Variants in ABI3BP observed in about 807,000 individuals in gnomAD.
ABI3BP encodes the protein target of Nesh-SH3.
ABI3BP carries 216 observed loss-of-function variants against 268.6 expected under a neutral mutation model. That is an observed-to-expected ratio of 0.80 (90% CI 0.72 to 0.90). The LOEUF is 0.90. ABI3BP is among the 40% of genes least tolerant of loss of function. ABI3BP has a pLI of 0.00. For missense variants in ABI3BP, 2,090 were observed against 2,182.4 expected, an observed-to-expected ratio of 0.96 and a Z score of 0.84; for synonymous variants, 730 against 730.0, an observed-to-expected ratio of 1.00 and a Z score of 0.00.
At position 100,775,283 on chromosome 3, in the gene ABI3BP, C is replaced by T. The variant is rs1278865276; in HGVS notation, c.4386G>A (p.Arg1462=). ...ITTPPLRSTP[R]PTGTPLERIE... Reference sequence around the variant, plus strand: ...TTCTCTCCAAGGGAGTTCCAGTAGGCCTGGGTGTTGACCTCAGGGGTGGTG... The same window carrying T: ...TTCTCTCCAAGGGAGTTCCAGTAGGTCTGGGTGTTGACCTCAGGGGTGGTG... Residue 1462 remains arginine (R), a synonymous_variant, in exon 60 of 68, where the codon AGG becomes AGA. Coordinates refer to ENST00000471714, the MANE Select transcript of ABI3BP (RefSeq NM_001375547.2). 4.3e-6 allele frequency: 7 copies of T among 1,609,760 alleles called. No homozygotes were observed. The highest frequency in any genetic ancestry group is 5.9e-6 in the Non-Finnish European group (7 of 1,177,886).
chr3:100,791,626 T>C (rs2097199896), intron 55 of ABI3BP, among the ~76,000 whole-genome samples: 1 of 151,896 alleles, frequency 6.6e-6, no homozygotes, highest in African/African-American at 2.4e-5. Flanking sequence ...GCTGTCAATA[T>C]GTTATACTTC....
At chr3:100,929,966 C>A (rs1004960403) in intron 1 of ABI3BP, among the ~76,000 whole-genome samples, 3 of 151,988 alleles carry the variant, frequency 2.0e-5, no homozygotes, top group African/African-American at 7.2e-5. Context: ...CACTCTTGGA[C>A]AATTTCTCCA....
chr3:100,978,247 T>C (rs963198179), intron 1 of ABI3BP, among the ~76,000 whole-genome samples: 1 of 152,218 alleles, frequency 6.6e-6, no homozygotes, highest in Non-Finnish European at 1.5e-5. Context: ...CAATTCTAGC[T>C]GAAGGGCTGG....
At chr3:100,766,932 T>TA (rs1230720667) in intron 62 of ABI3BP, among the ~76,000 whole-genome samples, 1 of 152,182 alleles carries the variant, frequency 6.6e-6, no homozygotes, top group Admixed American at 6.5e-5. Context: ...AGCCCAGTGG[T>TA]ATGAGATGGA....
intron 63 of ABI3BP, among the ~76,000 whole-genome samples, chr3:100,764,769 C>T (rs534449420): frequency 2.7e-4 from 41 of 152,324 alleles, no homozygotes; most frequent in Admixed American, 9.1e-4. Flanking sequence ...CTCCCCCTCT[C>T]GATCTAAGGA....
chr3:100,841,875 A>T (rs1416562004), intron 21 of ABI3BP, 123 bp downstream of exon 21: 24 of 826,254 alleles, frequency 2.9e-5, no homozygotes, highest in Non-Finnish European at 4.2e-5. Context: ...GGGCAAAAAA[A>T]CGAGAGTGAA....
chr3:100,883,150 T>C (rs1161364591), intron 6 of ABI3BP, among the ~76,000 whole-genome samples: 1 of 152,110 alleles, frequency 6.6e-6, no homozygotes, highest in Admixed American at 6.6e-5. Context: ...CCTTACTATA[T>C]ACCATAGTTA....
intron 42 of ABI3BP, among the ~76,000 whole-genome samples, 186 bp downstream of exon 42, chr3:100,817,250 A>G (rs1401510006): frequency 6.6e-6 from 1 of 152,208 alleles, no homozygotes; most frequent in Admixed American, 6.5e-5. Context: ...AGCTTTTGAA[A>G]ATAATAGGTA....
At chr3:100,813,461 A>G (rs2097914700) in intron 45 of ABI3BP, among the ~76,000 whole-genome samples, 200 bp downstream of exon 45, 1 of 152,208 alleles carries the variant, frequency 6.6e-6, no homozygotes, top group Non-Finnish European at 1.5e-5. Context: ...ATTGAAAAGT[A>G]TTTTTATACA....
At chr3:100,903,560 A>G (rs187811485) in intron 2 of ABI3BP, among the ~76,000 whole-genome samples, 1 of 152,366 alleles carries the variant, frequency 6.6e-6, no homozygotes, top group East Asian at 1.9e-4. Flanking sequence ...CTCGTTCTAT[A>G]AGAAATATCA....
At chr3:100,923,119 T>C (rs981535672) in intron 2 of ABI3BP, among the ~76,000 whole-genome samples, 2 of 152,144 alleles carry the variant, frequency 1.3e-5, no homozygotes, top group Non-Finnish European at 2.9e-5. Context: ...TGATCTACAA[T>C]ATGAGGTAAG....
intron 14 of ABI3BP, among the ~76,000 whole-genome samples, chr3:100,854,725 T>C (rs944454187): frequency 2.0e-5 from 3 of 152,188 alleles, no homozygotes; most frequent in African/African-American, 7.2e-5. Flanking sequence ...GGACCAAAAG[T>C]TGTAGGTTAA....
At chr3:100,892,528 T>C (rs1257492268) in intron 4 of ABI3BP, among the ~76,000 whole-genome samples, 1 of 152,206 alleles carries the variant, frequency 6.6e-6, no homozygotes, top group Non-Finnish European at 1.5e-5. Context: ...GTGATGAAAA[T>C]ATTCCATGGA....
chr3:100,828,309 A>C, intron 34 of ABI3BP, 84 bp downstream of exon 34: 1 of 1,314,448 alleles, frequency 7.6e-7, no homozygotes, highest in Non-Finnish European at 1.0e-6. Context: ...AAAACCAAAA[A>C]TGTAATTGAA....
At chr3:100,953,593 A>G (rs1401492415) in intron 1 of ABI3BP, among the ~76,000 whole-genome samples, 1 of 141,140 alleles carries the variant, frequency 7.1e-6, no homozygotes, top group Admixed American at 7.5e-5. Context: ...ATACTGTTAG[A>G]AACACTTCTC....
chr3:100,860,488 C>T (rs1433288441), intron 14 of ABI3BP, among the ~76,000 whole-genome samples: 2 of 152,128 alleles, frequency 1.3e-5, no homozygotes, highest in East Asian at 3.9e-4. Context: ...CAGGGCAAAA[C>T]CAGAATATTC....
intron 2 of ABI3BP, among the ~76,000 whole-genome samples, chr3:100,918,092 T>C (rs2059190092): frequency 6.6e-6 from 1 of 152,190 alleles, no homozygotes; most frequent in Admixed American, 6.5e-5. Flanking sequence ...ATGATAACTT[T>C]GGACTCATCT....
chr3:100,769,000 CAG>C (rs775258648), intron 62 of ABI3BP, among the ~76,000 whole-genome samples: 20 of 152,318 alleles, frequency 1.3e-4, no homozygotes, highest in South Asian at 6.2e-4. Flanking sequence ...GAAGCCAACT[CAG>C]GGGGAAGAAT....
chr3:100,936,478 A>T (rs898155456), intron 1 of ABI3BP, among the ~76,000 whole-genome samples: 2 of 152,140 alleles, frequency 1.3e-5, no homozygotes, highest in South Asian at 4.1e-4. Flanking sequence ...TATCAGGATG[A>T]TGCTGGCCTC....
Sources: gnomAD v4.1 joint callset for allele counts (sites outside exome capture counted in the v4.1 genomes callset) on GRCh38, gnomAD v4.1.1 for gene constraint, MANE v1.5 for transcripts, NCBI Gene and HGNC (gene_info 2026-07-23, HGNC 2026-07-21) for gene names.